Variants in LINGO2 observed in about 807,000 individuals in gnomAD.
LINGO2 encodes the protein leucine-rich repeat and immunoglobulin-like domain-containing nogo receptor-interacting protein 2.
LINGO2 carries 14 observed loss-of-function variants against 30.6 expected under a neutral mutation model. That is an observed-to-expected ratio of 0.46 (90% CI 0.30 to 0.72). The LOEUF is 0.72. LINGO2 is among the 30% of genes least tolerant of loss of function. The pLI is 0.07. For missense variants in LINGO2, 729 were observed against 751.7 expected (o/e 0.97, Z 0.35); for synonymous variants, 317 against 288.5 (o/e 1.10, Z -1.00).
At chr9:27,947,713 C>T (rs986533748), downstream of LINGO2, among the ~76,000 whole-genome samples, 4 of 152,168 alleles carry the variant, frequency 2.6e-5, no homozygotes, top group Admixed American at 2.0e-4. Flanking sequence ...ATGTTTTAAA[C>T]AAATCGTTGT....
At chr9:28,514,461 A>C (rs1407839374) in intron 1 of LINGO2, among the ~76,000 whole-genome samples, 4 of 152,244 alleles carry the variant, frequency 2.6e-5, no homozygotes, top group Non-Finnish European at 5.9e-5. Context: ...GCAAACAAGA[A>C]TAATAAGAAA....
At chr9:27,955,109 G>A (rs948930869) in intron 5 of LINGO2, among the ~76,000 whole-genome samples, 1 of 151,994 alleles carries the variant, frequency 6.6e-6, no homozygotes, top group African/African-American at 2.4e-5. Context: ...AAAAAGTCAT[G>A]GATATGTTTT....
intron 1 of LINGO2, among the ~76,000 whole-genome samples, chr9:28,632,459 G>T (rs1180961456): frequency 1.3e-5 from 2 of 151,012 alleles, no homozygotes; most frequent in African/African-American, 2.4e-5. Context: ...AAGCAAAAAC[G>T]GGGGTTTTCA....
the LINGO2 span, among the ~76,000 whole-genome samples, chr9:29,194,107 C>T: frequency 6.6e-6 from 1 of 152,110 alleles, no homozygotes; most frequent in African/African-American, 2.4e-5. Flanking sequence ...TGGGTTGATC[C>T]CTCCTAGGGC....
chr9:28,035,695 A>G (rs766595226), intron 4 of LINGO2, among the ~76,000 whole-genome samples: 1 of 152,078 alleles, frequency 6.6e-6, no homozygotes, highest in Non-Finnish European at 1.5e-5. Context: ...GGGCACTAGA[A>G]TTGAAGTGAA....
At chr9:28,121,279 T>C (rs527458851) in intron 4 of LINGO2, among the ~76,000 whole-genome samples, 1 of 152,296 alleles carries the variant, frequency 6.6e-6, no homozygotes, top group African/African-American at 2.4e-5. Flanking sequence ...CAAATCCGCT[T>C]TTCTGTAACT....
chr9:29,046,092 T>C, the LINGO2 span, among the ~76,000 whole-genome samples: 6 of 152,172 alleles, frequency 3.9e-5, no homozygotes, highest in African/African-American at 1.4e-4. Flanking sequence ...CAGAGAGAGT[T>C]TGACTTCCTC....
the LINGO2 span, among the ~76,000 whole-genome samples, chr9:28,922,525 C>G: frequency 6.6e-6 from 1 of 152,066 alleles, no homozygotes; most frequent in African/African-American, 2.4e-5. Flanking sequence ...AATTAAACTG[C>G]GTAATAACCT....
chr9:28,328,829 T>G (rs957918862), intron 3 of LINGO2, among the ~76,000 whole-genome samples: 2 of 152,144 alleles, frequency 1.3e-5, no homozygotes, highest in Admixed American at 6.6e-5. Flanking sequence ...TATCATACAT[T>G]GATCAGGTTA....
At chr9:28,798,336 T>A in the LINGO2 span, among the ~76,000 whole-genome samples, 8 of 151,436 alleles carry the variant, frequency 5.3e-5, no homozygotes, top group South Asian at 6.3e-4. Flanking sequence ...CAAACTTGAG[T>A]AGGTAAAAAG....
At chr9:28,627,316 TC>T (rs1826725488) in intron 1 of LINGO2, among the ~76,000 whole-genome samples, 1 of 152,068 alleles carries the variant, frequency 6.6e-6, no homozygotes, top group Non-Finnish European at 1.5e-5. Context: ...CCAATAGACC[TC>T]CAATAGACAA....
intron 1 of LINGO2, among the ~76,000 whole-genome samples, chr9:28,636,968 G>T (rs960392552): frequency 8.5e-5 from 13 of 152,268 alleles, no homozygotes; most frequent in African/African-American, 2.9e-4. Context: ...TAACATTTAA[G>T]TCTTTAATCC....
chr9:28,720,019 A>G, the LINGO2 span, among the ~76,000 whole-genome samples: 1 of 152,064 alleles, frequency 6.6e-6, no homozygotes, highest in Non-Finnish European at 1.5e-5. Flanking sequence ...CGAAGCATCT[A>G]ATTTGAGTTG....
intron 2 of LINGO2, among the ~76,000 whole-genome samples, chr9:28,426,759 A>G (rs13284201): frequency 0.3 from 45,144 of 151,842 alleles, 7,770 homozygotes; most frequent in Non-Finnish European, 0.38. Flanking sequence ...GGGAAATTGC[A>G]TCGAGCATTC....
At chr9:28,351,436 C>T (rs190344117) in intron 3 of LINGO2, among the ~76,000 whole-genome samples, 189 of 151,762 alleles carry the variant, frequency 1.2e-3, no homozygotes, top group African/African-American at 4.0e-3. Context: ...TACGCTCTCC[C>T]AAGACTAAAC....
At chr9:28,009,769 G>A (rs1423299854) in intron 5 of LINGO2, among the ~76,000 whole-genome samples, 3 of 152,184 alleles carry the variant, frequency 2.0e-5, no homozygotes, top group Admixed American at 6.5e-5. Context: ...TGGTGGAAAT[G>A]TAAAATGGTG....
chr9:28,352,068 G>T (rs1156649857), intron 3 of LINGO2, among the ~76,000 whole-genome samples: 2 of 149,560 alleles, frequency 1.3e-5, no homozygotes, highest in East Asian at 4.1e-4. Context: ...AAAACTGGAA[G>T]CATTCCCTTT....
At chr9:28,168,942 C>G (rs1031860059) in intron 4 of LINGO2, among the ~76,000 whole-genome samples, 1 of 152,184 alleles carries the variant, frequency 6.6e-6, no homozygotes, top group Non-Finnish European at 1.5e-5. Flanking sequence ...GAATGAATAA[C>G]AAGCACTTAC....
intron 3 of LINGO2, among the ~76,000 whole-genome samples, chr9:28,331,305 CAAAT>C (rs1223274093): frequency 6.6e-6 from 1 of 151,756 alleles, no homozygotes; most frequent in Non-Finnish European, 1.5e-5. Flanking sequence ...GAACAAAAAC[CAAAT>C]AAACAAGCAA....
Sources: gnomAD v4.1 joint callset for allele counts (sites outside exome capture counted in the v4.1 genomes callset) on GRCh38, gnomAD v4.1.1 for gene constraint, MANE v1.5 for transcripts, NCBI Gene and HGNC (gene_info 2026-07-23, HGNC 2026-07-21) for gene names.